Variants in NUDT13 observed in about 807,000 individuals in gnomAD.
NUDT13 encodes the protein NAD(P)H pyrophosphatase NUDT13, mitochondrial.
NUDT13 carries 40 observed loss-of-function variants against 41.7 expected under a neutral mutation model. The ratio of observed to expected loss-of-function variants is 0.96; its 90% CI spans 0.75 to 1.25. The LOEUF (loss-of-function observed/expected upper bound fraction) is 1.25. Ranked by LOEUF, NUDT13 falls within the 50% of genes most tolerant of loss-of-function variation. NUDT13 has a pLI of 0.00. For synonymous variants in NUDT13, 145 were observed against 155.5 expected (o/e 0.93, Z 0.50); for missense variants, 390 against 416.1 (o/e 0.94, Z 0.55).
chr10:73,118,221 C>T (rs1842562012), intron 2 of NUDT13, among the ~76,000 whole-genome samples: 1 of 152,190 alleles, frequency 6.6e-6, no homozygotes, highest in Non-Finnish European at 1.5e-5. Flanking sequence ...AAAAATATCA[C>T]AATTCTTAAA....
chr10:73,130,143 TC>T (rs2133235961), intron 8 of NUDT13: 1 of 151,810 alleles, frequency 6.6e-6, no homozygotes, highest in African/African-American at 2.4e-5. Flanking sequence ...ATGTATCTTA[TC>T]TTTTTTTTTT....
At chr10:73,113,034 T>C (rs1020710660) in intron 1 of NUDT13, among the ~76,000 whole-genome samples, 3 of 152,134 alleles carry the variant, frequency 2.0e-5, no homozygotes, top group African/African-American at 7.2e-5. Context: ...ATTACAAGCG[T>C]GTGCCACCAC....
chr10:73,125,255 T>C lies in NUDT13; in HGVS notation c.591+12T>C. ...TCTATTATCCACAGGTAATTATTGCTGTAAGAGGACAGTAATCCAAGAAGA... is the reference window on the plus strand; with the variant it reads ...TCTATTATCCACAGGTAATTATTGCCGTAAGAGGACAGTAATCCAAGAAGA... On this transcript the variant is annotated intron_variant, in intron 6 of 8. Transcript: ENST00000357321. 1 of 1,607,948 alleles carries C rather than the reference T, an allele frequency of 6.2e-7. No individual in the cohort carries two copies. Among genetic ancestry groups the C allele is most frequent in the Non-Finnish European group, 8.5e-7 (1 of 1,177,386 alleles).
At position 73,126,705 on chromosome 10, in the gene NUDT13, G is replaced by T. The variant is rs1842791345; in HGVS notation, c.736G>T (p.Val246Phe). Residue 246 changes from valine (V) to phenylalanine (F), a missense_variant, in exon 8 of 9, where the codon GTT becomes TTT. Transcript: ENST00000357321. Reference protein sequence around the residue: ...ESVEETIRREVAEEVGLEVES... With the variant: ...ESVEETIRREFAEEVGLEVES... ...TGTGGAAGAGACCATCCGCCGAGAAGTTGCAGAAGAGGTGGGATTGGAGGT... is the reference window on the plus strand; with the variant it reads ...TGTGGAAGAGACCATCCGCCGAGAATTTGCAGAAGAGGTGGGATTGGAGGT... 6.2e-7 allele frequency: 1 copy of T among 1,614,092 alleles called. No individual in the cohort carries two copies.
chr10:73,129,167 C>CTTTTTTTTTTTTTTTTTTTTTTTTTTT (rs900393888), intron 8 of NUDT13, among the ~76,000 whole-genome samples: 2 of 110,210 alleles, frequency 1.8e-5, no homozygotes, highest in Non-Finnish European at 3.7e-5. Context: ...AAGACGTTGT[C>CTTTTTTTTTTTTTTTTTTTTTTTTTTT]TTTTTTTTTT....
chr10:73,120,032 TGAAG>T lies in NUDT13; in HGVS notation c.103_106del (p.Glu35MetfsTer39), dbSNP rs1314826796. ...CCCAAATACAGGTATTTATTTGAAC[TGAAG>T]GAAGATGATGATGCATGTAAAAAAG... On this transcript the variant is annotated frameshift_variant, in exon 3 of 9. Transcript: ENST00000357321. LOFTEE classifies it high-confidence loss of function. 7 of 1,614,112 alleles carry T rather than the reference TGAAG, an allele frequency of 4.3e-6. No homozygotes were observed. Among genetic ancestry groups the T allele is most frequent in the Admixed American group, 1.7e-5 (1 of 60,014 alleles).
chr10:73,131,122 G>T lies in NUDT13; in HGVS notation c.*219G>T. On this transcript the variant is annotated 3_prime_UTR_variant, in exon 9 of 9. Transcript: ENST00000357321. ...GCCAGTGTGAGAAGAAAACTGATGA[G>T]CTGTCAACTGTCAAAAATCAGGGGG... The T allele has an allele frequency of 4.6e-6, 2 of 435,966 alleles. No homozygotes were observed. The highest frequency in any genetic ancestry group is 2.4e-5 in the South Asian group (1 of 41,790). 27.0% of individuals were successfully genotyped at this position (435,966 alleles called of 1,614,324 possible).
intron 2 of NUDT13, chr10:73,119,541 T>C (rs1842593148): frequency 1.1e-6 from 1 of 926,858 alleles, no homozygotes; most frequent in African/African-American, 1.8e-5. Flanking sequence ...TGGTTGATGT[T>C]TTATCACTGT....
In NUDT13 at chr10:73,130,960, C is replaced by A; in HGVS notation, c.*57C>A. On this transcript the variant is annotated 3_prime_UTR_variant, in exon 9 of 9. Coordinates refer to ENST00000357321, the MANE Select transcript of NUDT13 (RefSeq NM_015901.6). The stretch of plus-strand genomic sequence containing the variant: ...TATTCCTGAGGGACAAACTAGAGAT[C>A]AGTTGACAAAGGAGAAGTGACAAAA... The A allele has an allele frequency of 6.9e-7, 1 of 1,447,470 alleles. No individual in the cohort carries two copies. The allele number at this position is 1,447,470 out of a possible 1,614,324, so 89.7% of individuals were successfully genotyped here.
intron 8 of NUDT13, among the ~76,000 whole-genome samples, chr10:73,128,205 G>A (rs1842838177): frequency 6.6e-6 from 1 of 152,154 alleles, no homozygotes; most frequent in South Asian, 2.1e-4. Flanking sequence ...GAACATGGGA[G>A]TGCAGATATC....
At chr10:73,123,959 G>A (rs1842710700) in intron 4 of NUDT13, among the ~76,000 whole-genome samples, 1 of 152,074 alleles carries the variant, frequency 6.6e-6, no homozygotes, top group African/African-American at 2.4e-5. Flanking sequence ...TAGAGATGGG[G>A]TCTCACTGGA....
intron 1 of NUDT13, among the ~76,000 whole-genome samples, chr10:73,111,119 G>A (rs1447823460): frequency 6.6e-6 from 1 of 151,966 alleles, no homozygotes; most frequent in Non-Finnish European, 1.5e-5. Flanking sequence ...TGGGACTACA[G>A]GCGCCCGCCA....
chr10:73,117,239 TAAATA>T (rs1442544554), intron 2 of NUDT13, among the ~76,000 whole-genome samples: 2 of 151,942 alleles, frequency 1.3e-5, no homozygotes, highest in African/African-American at 4.8e-5. Context: ...TTAAAGTGAT[TAAATA>T]AATCTATTTA....
At chr10:73,118,097 C>T (rs1005547886) in intron 2 of NUDT13, among the ~76,000 whole-genome samples, 1 of 152,134 alleles carries the variant, frequency 6.6e-6, no homozygotes, top group Non-Finnish European at 1.5e-5. Context: ...TGTTCTTTTA[C>T]GAAGGCAGCA....
intron 3 of NUDT13, among the ~76,000 whole-genome samples, chr10:73,121,837 G>T (rs916225405): frequency 5.3e-5 from 8 of 152,130 alleles, no homozygotes; most frequent in African/African-American, 1.9e-4. Context: ...ACCATTTTAA[G>T]TGTGATACTT....
At chr10:73,116,876 ATT>A (rs56229464) in intron 2 of NUDT13, among the ~76,000 whole-genome samples, 2 of 81,868 alleles carry the variant, frequency 2.4e-5, no homozygotes, top group Non-Finnish European at 2.4e-5. Context: ...GACTACAAGA[ATT>A]TTTTTTTTTT....
Position 73,120,102 on chromosome 10 carries a change from T to G in NUDT13, c.168T>G (p.Ala56=). The part of the protein sequence containing the change: ...TGAFYLFHSL[A]PLLQTSAHQY... ...CGTTTTACCTCTTTCATAGTCTGGCTCCTCTGCTTCAGACTTCAGCACATC... is the reference window on the plus strand; with the variant it reads ...CGTTTTACCTCTTTCATAGTCTGGCGCCTCTGCTTCAGACTTCAGCACATC... The change falls in exon 3 of 9, where the codon GCT becomes GCG. Residue 56 remains alanine, a synonymous_variant. Coordinates refer to ENST00000357321, the MANE Select transcript of NUDT13 (RefSeq NM_015901.6). The G allele has an allele frequency of 6.2e-7, 1 of 1,614,210 alleles. No individual in the cohort carries two copies. Among genetic ancestry groups the G allele is most frequent in the Non-Finnish European group, 8.5e-7 (1 of 1,180,026 alleles).
chr10:73,124,131 C>G, intron 4 of NUDT13, 83 bp from the exon 5 acceptor site: 1 of 944,000 alleles, frequency 1.1e-6, no homozygotes, highest in South Asian at 1.4e-5. Flanking sequence ...TTGGGAAACA[C>G]TATTTTAACA....
chr10:73,111,413 G>A (rs1270619393), intron 1 of NUDT13, among the ~76,000 whole-genome samples: 1 of 152,062 alleles, frequency 6.6e-6, no homozygotes, highest in Non-Finnish European at 1.5e-5. Context: ...TCGCTCTGTC[G>A]CCCAGGCTGG....
Sources: allele counts gnomAD v4.1 joint callset (sites outside exome capture counted in the v4.1 genomes callset), GRCh38; gene constraint gnomAD v4.1.1; transcripts MANE v1.5; gene names NCBI Gene and HGNC (gene_info 2026-07-23, HGNC 2026-07-21).